The following SPTBN1 variants were observed in gnomAD, a reference collection of about 807,000 sequenced individuals.
SPTBN1 encodes spectrin beta chain, non-erythrocytic 1.
Under a neutral mutation model 266.4 loss-of-function variants are expected in SPTBN1, and 32 were observed. The observed-to-expected ratio is 0.12, with a 90% confidence interval of 0.09 to 0.16. The LOEUF is 0.16. SPTBN1 is among the 10% of genes least tolerant of loss of function. SPTBN1 has a pLI of 1.00. For synonymous variants in SPTBN1, 1,336 were observed against 1,162.2 expected (o/e 1.15, Z -3.04); for missense variants, 2,296 against 3,067.1 (o/e 0.75, Z 5.94).
chr2:54,579,487 C>T (rs143444981), intron 2 of SPTBN1, among the ~76,000 whole-genome samples: 3 of 152,266 alleles, frequency 2.0e-5, no homozygotes, highest in African/African-American at 7.2e-5. Flanking sequence ...AGGGGTAGTT[C>T]GTCTCTGTAT....
At chr2:54,561,879 T>A (rs1388820958) in intron 2 of SPTBN1, among the ~76,000 whole-genome samples, 4 of 147,464 alleles carry the variant, frequency 2.7e-5, no homozygotes, top group Admixed American at 6.7e-5. Flanking sequence ...TAAGTGTGAT[T>A]AAAAAAAAAA....
intron 1 of SPTBN1, among the ~76,000 whole-genome samples, chr2:54,518,315 G>A (rs1370100364): frequency 6.6e-6 from 1 of 151,950 alleles, no homozygotes; most frequent in African/African-American, 2.4e-5. Context: ...GGGGTGGGGA[G>A]ATGGGGGAGG....
At chr2:54,604,658 G>A in intron 3 of SPTBN1, among the ~76,000 whole-genome samples, 1 of 152,178 alleles carries the variant, frequency 6.6e-6, no homozygotes, top group Non-Finnish European at 1.5e-5. Flanking sequence ...AGATGTTTAT[G>A]TAGCCCCTTA....
Position 54,649,474 on chromosome 2 carries a change from T to G in SPTBN1, c.5203-141T>G, listed in dbSNP as rs1680126887. The stretch of plus-strand genomic sequence containing the variant: ...CCCAGTTGCTAAGAGGTTCTCGAGC[T>G]AAGATCTATTGTTCTGAAGTCATGA... On this transcript the variant is annotated intron_variant, in intron 25 of 35. Coordinates refer to ENST00000356805, the MANE Select transcript of SPTBN1 (RefSeq NM_003128.3). This position sits in a 1 kb window ranked among gnomAD's most constrained non-coding sequence, Gnocchi z 6.7. The G allele has an allele frequency of 1.4e-5, 19 of 1,340,796 alleles. No homozygotes were observed. Among genetic ancestry groups the G allele is most frequent in the Non-Finnish European group, 1.9e-5 (19 of 1,000,898 alleles). 83.1% of individuals were successfully genotyped at this position (1,340,796 alleles called of 1,614,324 possible). A position where few individuals can be genotyped will look rare whatever the true frequency, so the allele number is the denominator to read the frequency against.
chr2:54,598,517 C>A (rs1317194886), intron 2 of SPTBN1, among the ~76,000 whole-genome samples: 2 of 152,122 alleles, frequency 1.3e-5, no homozygotes, highest in East Asian at 3.8e-4. Flanking sequence ...ACGGTCATTG[C>A]CAAGGTCATG....
chr2:54,621,333 G>C (rs1000503562), intron 7 of SPTBN1, 67 bp from the exon 8 acceptor site: 3 of 1,204,466 alleles, frequency 2.5e-6, no homozygotes, highest in African/African-American at 3.0e-5. Flanking sequence ...CGTTGCATTT[G>C]TTCCTGCTAC....
At position 54,655,118 on chromosome 2, in the gene SPTBN1, A is replaced by C; in HGVS notation, c.5871A>C (p.Lys1957Asn). Residue 1957 changes from lysine to asparagine, a missense_variant, in exon 28 of 36, where the codon AAA (lysine) becomes AAC (asparagine). By Grantham distance (94) the Lys-to-Asn change is moderately conservative. This residue lies in a region of SPTBN1 where 644 missense variants were observed against 745.3 expected (regional missense o/e 0.86). Coordinates refer to ENST00000356805, the MANE Select transcript of SPTBN1 (RefSeq NM_003128.3). ...TAATGAATAATCATCAAGGCATCAA[A>C]GCTGAAATTGATGCACGTAATGACA... is the stretch of plus-strand genomic sequence containing the variant. ...ELLMNNHQGI[K>N]AEIDARNDSF... 1 of 1,614,196 alleles carries C rather than the reference A, an allele frequency of 6.2e-7. No homozygotes were observed. Among genetic ancestry groups the C allele is most frequent in the African/African-American group, 1.3e-5 (1 of 75,072 alleles).
At chr2:54,566,463 T>C (rs1005311636) in intron 2 of SPTBN1, among the ~76,000 whole-genome samples, 2 of 152,162 alleles carry the variant, frequency 1.3e-5, no homozygotes, top group Admixed American at 6.5e-5. Flanking sequence ...CCTGGAATTA[T>C]AAGCGTGAGC....
intron 2 of SPTBN1, among the ~76,000 whole-genome samples, chr2:54,566,678 A>C (rs922910995): frequency 2.0e-5 from 3 of 151,988 alleles, no homozygotes; most frequent in Admixed American, 2.0e-4. Context: ...TAAAAATACA[A>C]AAATTACCTG....
At chr2:54,548,856 AG>A (rs1163153535) in intron 2 of SPTBN1, among the ~76,000 whole-genome samples, 1 of 152,188 alleles carries the variant, frequency 6.6e-6, no homozygotes, top group African/African-American at 2.4e-5. Context: ...GGTGTTACCT[AG>A]GCTGGCATAG....
intron 11 of SPTBN1, 38 bp downstream of exon 11, chr2:54,625,000 G>T: frequency 6.5e-7 from 1 of 1,535,868 alleles, no homozygotes; most frequent in Non-Finnish European, 8.7e-7. Flanking sequence ...CTGTTGCTAG[G>T]GTAATCTAGA....
At position 54,628,891 on chromosome 2, in the gene SPTBN1, A is replaced by C. The variant is rs1572709290; in HGVS notation, c.1799-42A>C. The stretch of plus-strand genomic sequence containing the variant: ...TGCCAGTGAGCCTGCACCCATGCTG[A>C]GCTCCCTCACACAGCCACGTTCCTT... On this transcript the variant is annotated intron_variant, in intron 13 of 35. Transcript: ENST00000356805. The surrounding 1 kb of genome is among the most constrained non-coding windows in gnomAD (Gnocchi z 4.3). 1.3e-6 allele frequency: 2 copies of C among 1,537,858 alleles called. No individual in the cohort carries two copies. The highest frequency in any genetic ancestry group is 1.7e-6 in the Non-Finnish European group (2 of 1,144,296).
intron 4 of SPTBN1, among the ~76,000 whole-genome samples, chr2:54,615,473 G>A (rs1324357484): frequency 6.6e-6 from 1 of 152,210 alleles, no homozygotes; most frequent in Non-Finnish European, 1.5e-5. Flanking sequence ...CTGGCAGTTG[G>A]CGCCTAATCT....
intron 2 of SPTBN1, among the ~76,000 whole-genome samples, chr2:54,551,347 C>T (rs1672554349): frequency 6.6e-6 from 1 of 152,242 alleles, no homozygotes; most frequent in African/African-American, 2.4e-5. Flanking sequence ...AACAGAGGAG[C>T]CCAGCCCTGG....
chr2:54,508,592 A>T lies in SPTBN1; in HGVS notation c.-47-17780A>T, dbSNP rs750972992. Among the ~76,000 whole-genome samples the T allele has an allele frequency of 3.9e-5, 6 of 152,312 alleles. No individual in the cohort carries two copies. The South Asian group carries it at 8.3e-4, about 21-fold the overall frequency. On this transcript the variant is annotated intron_variant, in intron 1 of 35. Transcript: ENST00000356805. Reference sequence around the variant, plus strand: ...AAGAGGTTATGAAATGACGAATAGAATGGGCCTGTGAGACTGGAAGGAGAT... The same window carrying T: ...AAGAGGTTATGAAATGACGAATAGATTGGGCCTGTGAGACTGGAAGGAGAT...
intron 1 of SPTBN1, among the ~76,000 whole-genome samples, chr2:54,481,391 A>AGAGTGTGTGTGTGT (rs1455743105): frequency 8.5e-6 from 1 of 117,338 alleles, no homozygotes; most frequent in African/African-American, 3.4e-5. Context: ...CAGAAACCTG[A>AGAGTGTGTGTGTGT]GTGTGTGTGT....
chr2:54,495,920 T>G (rs1160645309), intron 1 of SPTBN1, among the ~76,000 whole-genome samples: 1 of 152,154 alleles, frequency 6.6e-6, no homozygotes, highest in Non-Finnish European at 1.5e-5. Flanking sequence ...CAGGTGCAGT[T>G]TCTTAATTCA....
chr2:54,627,530 C>T (rs1039440633), intron 12 of SPTBN1, among the ~76,000 whole-genome samples: 2 of 152,188 alleles, frequency 1.3e-5, no homozygotes, highest in African/African-American at 4.8e-5. Flanking sequence ...GGCTTGTAAG[C>T]TTTTCAAGTA....
At chr2:54,493,059 G>A (rs1444063743) in intron 1 of SPTBN1, among the ~76,000 whole-genome samples, 1 of 136,010 alleles carries the variant, frequency 7.4e-6, no homozygotes, top group African/African-American at 2.8e-5. Context: ...AGACTGAAGT[G>A]CAGTGGCACA....
Sources: gnomAD v4.1 joint callset for allele counts (sites outside exome capture counted in the v4.1 genomes callset) on GRCh38, gnomAD v4.1.1 for gene constraint, gnomAD v4.1.1 regional missense constraint, Gnocchi (gnomAD v3.1) non-coding constraint, MANE v1.5 for transcripts, NCBI Gene and HGNC (gene_info 2026-07-23, HGNC 2026-07-21) for gene names.